SCFD2: variants seen among roughly 807,000 people sequenced by gnomAD.
SCFD2 encodes the protein sec1 family domain containing 2.
In SCFD2, 54 loss-of-function variants were observed where a neutral mutation model predicts 58.9. The ratio of observed to expected loss-of-function variants is 0.92; its 90% CI spans 0.74 to 1.15. The LOEUF (loss-of-function observed/expected upper bound fraction) is 1.15, where lower values mean the gene tolerates loss of function less well. Among genes scored for constraint, SCFD2 ranks in the 50% most tolerant of loss-of-function variants. SCFD2 has a pLI of 0.00. For missense variants in SCFD2, 805 were observed against 836.6 expected, an observed-to-expected ratio of 0.96 and a Z score of 0.47; for synonymous variants, 321 against 335.9, an observed-to-expected ratio of 0.96 and a Z score of 0.49.
At chr4:53,191,174 C>T (rs1161178702) in intron 4 of SCFD2, among the ~76,000 whole-genome samples, 1 of 151,836 alleles carries the variant, frequency 6.6e-6, no homozygotes, top group Non-Finnish European at 1.5e-5. Context: ...ATGGTGAAAC[C>T]CCCATCTCTA....
chr4:52,989,058 C>T (rs73144997), intron 5 of SCFD2, among the ~76,000 whole-genome samples: 3,094 of 152,254 alleles, frequency 0.02, 117 homozygotes, highest in African/African-American at 0.071. Flanking sequence ...AGAAACCTAA[C>T]AAAGAACATC....
chr4:53,043,685 CA>C (rs1275985580), intron 5 of SCFD2, among the ~76,000 whole-genome samples: 1 of 151,938 alleles, frequency 6.6e-6, no homozygotes, highest in African/African-American at 2.4e-5. Context: ...TTATGTACTA[CA>C]AGAAAAGACT....
intron 4 of SCFD2, among the ~76,000 whole-genome samples, chr4:53,190,448 A>T (rs905766149): frequency 1.9e-4 from 29 of 152,120 alleles, no homozygotes; most frequent in Non-Finnish European, 3.1e-4. Context: ...CTGCCAATAG[A>T]TGATACAAGT....
intron 3 of SCFD2, among the ~76,000 whole-genome samples, chr4:53,299,077 G>A (rs1732164531): frequency 6.6e-6 from 1 of 152,198 alleles, no homozygotes; most frequent in Non-Finnish European, 1.5e-5. Flanking sequence ...CACCAGCAAT[G>A]GAACAAAGCT....
intron 2 of SCFD2, among the ~76,000 whole-genome samples, chr4:53,327,753 A>G (rs138257992): frequency 2.0e-5 from 3 of 152,326 alleles, no homozygotes; most frequent in Non-Finnish European, 4.4e-5. Context: ...AGTTACAAAT[A>G]TGCAAAGGGA....
At chr4:53,215,840 G>T (rs1044182665) in intron 4 of SCFD2, among the ~76,000 whole-genome samples, 1 of 152,082 alleles carries the variant, frequency 6.6e-6, no homozygotes, top group African/African-American at 2.4e-5. Context: ...AATTTATTGA[G>T]AGTTTTTAGC....
intron 4 of SCFD2, among the ~76,000 whole-genome samples, chr4:53,251,881 C>T (rs1730398306): frequency 6.6e-6 from 1 of 150,476 alleles, no homozygotes; most frequent in South Asian, 2.1e-4. Context: ...AAGTTCTGGC[C>T]AGAGCAATTA....
chr4:52,875,125 C>A (rs1560466747), intron 8 of SCFD2, among the ~76,000 whole-genome samples: 1 of 152,166 alleles, frequency 6.6e-6, no homozygotes, highest in Non-Finnish European at 1.5e-5. Context: ...GAGTCAGGAT[C>A]CCAGCGCAGA....
At chr4:52,907,134 A>AT (rs1243140514) in intron 7 of SCFD2, among the ~76,000 whole-genome samples, 1 of 152,184 alleles carries the variant, frequency 6.6e-6, no homozygotes, top group Non-Finnish European at 1.5e-5. Flanking sequence ...GGTGTGTGCT[A>AT]TGTGGATTCA....
At chr4:53,239,009 C>T (rs1560404273) in intron 4 of SCFD2, among the ~76,000 whole-genome samples, 1 of 152,004 alleles carries the variant, frequency 6.6e-6, no homozygotes, top group Non-Finnish European at 1.5e-5. Flanking sequence ...CCAAGGCAGG[C>T]GTCTGGGAGG....
chr4:53,216,088 G>T (rs1382070899), intron 4 of SCFD2, among the ~76,000 whole-genome samples: 8 of 152,130 alleles, frequency 5.3e-5, no homozygotes, highest in African/African-American at 1.7e-4. Context: ...GTTCATCAGG[G>T]ATATTGATCT....
chr4:52,887,494 G>C (rs527836707), intron 7 of SCFD2, among the ~76,000 whole-genome samples: 23 of 152,326 alleles, frequency 1.5e-4, no homozygotes, highest in South Asian at 1.2e-3. Flanking sequence ...GTTTTGAGCT[G>C]AATCTGGAAG....
chr4:53,240,380 T>C (rs535458425), intron 4 of SCFD2, among the ~76,000 whole-genome samples: 1 of 152,198 alleles, frequency 6.6e-6, no homozygotes, highest in African/African-American at 2.4e-5. Context: ...AATGGACATA[T>C]CAGAATCAAT....
At chr4:53,105,013 A>G (rs181499687) in intron 5 of SCFD2, among the ~76,000 whole-genome samples, 1 of 152,264 alleles carries the variant, frequency 6.6e-6, no homozygotes, top group Admixed American at 6.5e-5. Flanking sequence ...GAGTGGTCAG[A>G]CAATGGGTGC....
At chr4:53,238,062 C>G (rs1729722239) in intron 4 of SCFD2, among the ~76,000 whole-genome samples, 1 of 136,452 alleles carries the variant, frequency 7.3e-6, no homozygotes, top group African/African-American at 2.8e-5. Context: ...GCTGACCCCC[C>G]CACCTCCCTC....
intron 4 of SCFD2, among the ~76,000 whole-genome samples, chr4:53,205,273 C>T (rs142231791): frequency 2.0e-5 from 3 of 152,218 alleles, no homozygotes; most frequent in African/African-American, 7.2e-5. Flanking sequence ...ATCATTGCCA[C>T]TGTCCCATTT....
chr4:53,085,663 C>A (rs957758904), intron 5 of SCFD2, among the ~76,000 whole-genome samples: 3 of 152,104 alleles, frequency 2.0e-5, no homozygotes. Flanking sequence ...ACCAAAATAG[C>A]ATGGCACTGG....
At chr4:53,132,780 C>A (rs1353269296) in intron 5 of SCFD2, among the ~76,000 whole-genome samples, 1 of 152,162 alleles carries the variant, frequency 6.6e-6, no homozygotes, top group Non-Finnish European at 1.5e-5. Context: ...GTTGCCATAG[C>A]AACATCCTTG....
chr4:53,007,334 G>GAGAGAGAGAGAGAGAGAGAGAGAGAGAGA (rs10670717), intron 5 of SCFD2, among the ~76,000 whole-genome samples: 1 of 123,028 alleles, frequency 8.1e-6, no homozygotes. Flanking sequence ...GAGAGAGAGA[G>GAGAGAGAGAGAGAGAGAGAGAGAGAGAGA]GGAGAGAGAG....
Sources: allele counts gnomAD v4.1 joint callset (sites outside exome capture counted in the v4.1 genomes callset), GRCh38; gene constraint gnomAD v4.1.1; transcripts MANE v1.5; gene names NCBI Gene and HGNC (gene_info 2026-07-23, HGNC 2026-07-21).